NCKAP5: variants seen among roughly 807,000 people sequenced by gnomAD.
NCKAP5 encodes NCK associated protein 5, also known as nck-associated protein 5.
NCKAP5 carries 92 observed loss-of-function variants against 167.0 expected under a neutral mutation model. The observed-to-expected ratio is 0.55, with a 90% CI of 0.47 to 0.66. The LOEUF (loss-of-function observed/expected upper bound fraction) is 0.66. Among genes scored for constraint, NCKAP5 ranks in the 30% least tolerant of loss-of-function variants. The pLI, the probability that NCKAP5 is intolerant of heterozygous loss-of-function variation, is 0.00. For synonymous variants in NCKAP5, 891 were observed against 877.4 expected (o/e 1.02, Z -0.27); for missense variants, 2,378 against 2,315.0 (o/e 1.03, Z -0.56).
chr2:132,788,752 G>A (rs888418498), intron 13 of NCKAP5, among the ~76,000 whole-genome samples: 7 of 152,112 alleles, frequency 4.6e-5, no homozygotes, highest in African/African-American at 1.4e-4. Context: ...AGCTCAAAAA[G>A]CACAATCAAT....
chr2:132,783,221 G>C lies in NCKAP5; in HGVS notation c.3590C>G (p.Ala1197Gly). The C allele has an allele frequency of 6.2e-7, 1 of 1,613,960 alleles. No individual in the cohort carries two copies. Among genetic ancestry groups the C allele is most frequent in the Non-Finnish European group, 8.5e-7 (1 of 1,179,898 alleles). ...TTCACCCGCTGTGATCTCCATGCTT[G>C]CTGGATTCTTGGAGTCCTCTGGCTT... is the stretch of plus-strand genomic sequence containing the variant. ...KSKPEDSKNP[A>G]SMEITAGERN... The change falls in exon 14 of 20, where the codon GCA becomes GGA. Residue 1197 changes from alanine (A) to glycine (G), a missense_variant. This residue lies in a region of NCKAP5 where 1,325 missense variants were observed against 1,274.5 expected (regional missense o/e 1.04). Coordinates refer to ENST00000409261, the MANE Select transcript of NCKAP5 (RefSeq NM_207363.3).
intron 11 of NCKAP5, among the ~76,000 whole-genome samples, chr2:132,826,006 C>G (rs1371352486): frequency 6.6e-6 from 1 of 152,212 alleles, no homozygotes; most frequent in Non-Finnish European, 1.5e-5. Context: ...AAGGGAAGAA[C>G]AGAAAGCCGT....
chr2:133,306,294 C>T (rs772619732), intron 3 of NCKAP5, among the ~76,000 whole-genome samples: 3 of 151,950 alleles, frequency 2.0e-5, no homozygotes, highest in East Asian at 1.9e-4. Flanking sequence ...CCTGCAAAGG[C>T]GAAAGAAAAG....
At chr2:133,355,545 G>A (rs13407205) in intron 3 of NCKAP5, among the ~76,000 whole-genome samples, 34,463 of 151,962 alleles carry the variant, frequency 0.23, 4,030 homozygotes, top group Non-Finnish European at 0.24. Context: ...TTTGCATTCT[G>A]AGTTTCATTT....
chr2:132,919,702 C>G (rs1373764724), intron 8 of NCKAP5, among the ~76,000 whole-genome samples: 1 of 150,110 alleles, frequency 6.7e-6, no homozygotes, highest in South Asian at 2.1e-4. Context: ...AAAGATAAAG[C>G]AAAAAAAGAA....
intron 16 of NCKAP5, among the ~76,000 whole-genome samples, chr2:132,753,799 G>A (rs1461796261): frequency 6.6e-6 from 1 of 152,188 alleles, no homozygotes; most frequent in Non-Finnish European, 1.5e-5. Context: ...TGATATTTGG[G>A]TGGCATGCAG....
chr2:132,965,286 C>A (rs988436075), intron 7 of NCKAP5, among the ~76,000 whole-genome samples: 1 of 152,206 alleles, frequency 6.6e-6, no homozygotes, highest in East Asian at 1.9e-4. Context: ...TGTACATCCA[C>A]AGGCCAGGAA....
the NCKAP5 span, among the ~76,000 whole-genome samples, chr2:133,645,967 G>A: frequency 1.3e-5 from 2 of 151,416 alleles, no homozygotes; most frequent in Admixed American, 6.6e-5. Context: ...AAGGAGGGAG[G>A]GAGGAAGGAA....
intron 5 of NCKAP5, among the ~76,000 whole-genome samples, chr2:133,199,582 CAAT>C (rs2085584624): frequency 6.6e-6 from 1 of 151,662 alleles, no homozygotes; most frequent in South Asian, 2.1e-4. Context: ...ATGTTAACAA[CAAT>C]ATCAATCAAC....
At chr2:133,359,015 T>A (rs966465745) in intron 3 of NCKAP5, among the ~76,000 whole-genome samples, 2 of 152,248 alleles carry the variant, frequency 1.3e-5, no homozygotes, top group African/African-American at 4.8e-5. Flanking sequence ...TATACATTCA[T>A]AAAAAATTAT....
rs972355053 is a variant in NCKAP5 at position 132,677,666 on chromosome 2, T to C, written c.5714-4361A>G. 2.6e-4 allele frequency among the ~76,000 whole-genome samples: 39 copies of C among 152,224 alleles called. 1 individual carries two copies. The highest frequency in any genetic ancestry group is 2.6e-3 in the Admixed American group (39 of 15,294). On this transcript the variant is annotated intron_variant, in intron 19 of 19. Coordinates refer to ENST00000409261, the MANE Select transcript of NCKAP5 (RefSeq NM_207363.3). The stretch of plus-strand genomic sequence containing the variant: ...CACTGTGTAGTCTACTTCAGGACCA[T>C]GAGTTGCCCAGAGGGTCTCTCCCTT...
At chr2:132,846,102 C>T (rs572385340) in intron 11 of NCKAP5, among the ~76,000 whole-genome samples, 28 of 152,152 alleles carry the variant, frequency 1.8e-4, no homozygotes, top group African/African-American at 1.4e-4. Flanking sequence ...AGAAATATAT[C>T]GGCTCTTGCG....
chr2:133,597,267 C>A, the NCKAP5 span, among the ~76,000 whole-genome samples: 536 of 148,884 alleles, frequency 3.6e-3, 5 homozygotes, highest in African/African-American at 0.012. Context: ...GGCTGGACCC[C>A]AGACCTACTG....
At chr2:133,509,519 G>A (rs2151418212) in intron 3 of NCKAP5, among the ~76,000 whole-genome samples, 1 of 151,176 alleles carries the variant, frequency 6.6e-6, no homozygotes, top group Non-Finnish European at 1.5e-5. Flanking sequence ...TGGTTCATAA[G>A]CAGCTGCTCA....
intron 7 of NCKAP5, among the ~76,000 whole-genome samples, chr2:132,982,399 A>T (rs975907645): frequency 2.2e-4 from 34 of 152,116 alleles, no homozygotes; most frequent in African/African-American, 7.7e-4. Context: ...TCTCCCTGAA[A>T]CTTTTTCTCA....
intron 8 of NCKAP5, among the ~76,000 whole-genome samples, chr2:132,943,754 A>G (rs1697474352): frequency 6.6e-6 from 1 of 152,216 alleles, no homozygotes; most frequent in Non-Finnish European, 1.5e-5. Context: ...ACCGATGACA[A>G]TGGAATCCAC....
At chr2:133,101,745 C>T (rs1156284687) in intron 6 of NCKAP5, among the ~76,000 whole-genome samples, 1 of 152,152 alleles carries the variant, frequency 6.6e-6, no homozygotes, top group African/African-American at 2.4e-5. Flanking sequence ...CTCTTGATAT[C>T]AAAGTAAGTT....
At chr2:133,048,349 A>T (rs1443269509) in intron 6 of NCKAP5, among the ~76,000 whole-genome samples, 2 of 152,226 alleles carry the variant, frequency 1.3e-5, no homozygotes, top group Non-Finnish European at 2.9e-5. Context: ...TGTGCCTGGC[A>T]TATAGAAGGT....
intron 5 of NCKAP5, among the ~76,000 whole-genome samples, chr2:133,134,197 C>G (rs1325459032): frequency 6.6e-6 from 1 of 152,228 alleles, no homozygotes; most frequent in African/African-American, 2.4e-5. Flanking sequence ...TTTACAACTT[C>G]CCCTCCAATT....
Sources: allele counts gnomAD v4.1 joint callset (sites outside exome capture counted in the v4.1 genomes callset), GRCh38; gene constraint gnomAD v4.1.1; regional missense constraint gnomAD v4.1.1; transcripts MANE v1.5; gene names NCBI Gene and HGNC (gene_info 2026-07-23, HGNC 2026-07-21).